The following TRIM55 variants were observed in gnomAD, a reference collection of about 807,000 sequenced individuals.
TRIM55 encodes tripartite motif-containing protein 55.
TRIM55 carries 50 observed loss-of-function variants against 60.9 expected under a neutral mutation model. The ratio of observed to expected loss-of-function variants is 0.82; its 90% CI spans 0.65 to 1.04. TRIM55 has a LOEUF of 1.04. Among genes scored for constraint, TRIM55 ranks in the 50% least tolerant of loss-of-function variants. The pLI, the probability that TRIM55 is intolerant of heterozygous loss-of-function variation, is 0.00. For missense variants in TRIM55, 681 were observed against 666.9 expected (o/e 1.02, Z -0.23); for synonymous variants, 237 against 238.1 (o/e 1.00, Z 0.04).
intron 4 of TRIM55, 36 bp downstream of exon 4, chr8:66,137,226 C>T: frequency 6.6e-7 from 1 of 1,507,438 alleles, no homozygotes. Context: ...CTCAACCAAG[C>T]CTGCAATGCC....
chr8:66,134,018 A>G (rs1157871420), intron 2 of TRIM55, among the ~76,000 whole-genome samples: 1 of 152,206 alleles, frequency 6.6e-6, no homozygotes, highest in Admixed American at 6.5e-5. Context: ...AGTTTCGAAC[A>G]GCAATACTTA....
rs1028173129 is a variant in TRIM55, at chr8:66,150,252, T to G, written c.860+13T>G. The stretch of plus-strand genomic sequence containing the variant: ...CCCTGCTAAAAAAGTAAGAACTTTT[T>G]ATTTTATGTAAAAATGCATATTTTC... On this transcript the variant is annotated intron_variant, in intron 6 of 9. Coordinates refer to ENST00000315962, the MANE Select transcript of TRIM55 (RefSeq NM_184085.2). 1 of 1,613,098 alleles carries G rather than the reference T, an allele frequency of 6.2e-7. No homozygotes were observed. Among genetic ancestry groups the G allele is most frequent in the African/African-American group, 1.3e-5 (1 of 75,012 alleles).
At chr8:66,114,527 C>T in the TRIM55 span, 1 of 456,272 alleles carries the variant, frequency 2.2e-6, no homozygotes, top group Non-Finnish European at 4.4e-6. Flanking sequence ...ACTCAGAATC[C>T]TTTATGATTT....
At chr8:66,151,545 G>T (rs1810416941) in intron 7 of TRIM55, among the ~76,000 whole-genome samples, 2 of 152,156 alleles carry the variant, frequency 1.3e-5, no homozygotes, top group East Asian at 3.9e-4. Context: ...AATGTCGCCT[G>T]AGGGAATATT....
In TRIM55 at chr8:66,153,392, C is replaced by G. The variant is rs112550627; in HGVS notation, c.1237-655C>G. Among the ~76,000 whole-genome samples the G allele has an allele frequency of 3.8e-3, 585 of 152,326 alleles. 3 individuals are homozygous for G. The highest frequency in any genetic ancestry group is 6.1e-3 in the Non-Finnish European group (414 of 68,034). ...GCAGACTCCATGATACTTCAGCAGACAGGATCCCAACCTTTTGAGTTTGCA... is the reference window on the plus strand; with the variant it reads ...GCAGACTCCATGATACTTCAGCAGAGAGGATCCCAACCTTTTGAGTTTGCA... On this transcript the variant is annotated intron_variant, in intron 8 of 9. Coordinates refer to ENST00000315962, the MANE Select transcript of TRIM55 (RefSeq NM_184085.2).
In TRIM55 at chr8:66,174,389, TCTC is replaced by T. The variant is rs1466665917; in HGVS notation, c.1525-78_1525-76del. 3.0e-5 allele frequency: 37 copies of T among 1,214,712 alleles called. No individual in the cohort carries two copies. In the Admixed American group the frequency reaches 8.9e-4, roughly 29 times the overall value. The allele number at this position is 1,214,712 out of a possible 1,614,324, so 75.2% of individuals were successfully genotyped here. Reference sequence around the variant, plus strand: ...AATAATTGTTATTATTATTATACTTTCTCCTCAATAGAAAAGTGACTGGACCAA... The same window carrying T: ...AATAATTGTTATTATTATTATACTTTCTCAATAGAAAAGTGACTGGACCAA... On this transcript the variant is annotated intron_variant, in intron 9 of 9. Transcript: ENST00000315962.
chr8:66,153,066 T>A (rs1430072827), intron 8 of TRIM55, among the ~76,000 whole-genome samples: 1 of 151,964 alleles, frequency 6.6e-6, no homozygotes, highest in Non-Finnish European at 1.5e-5. Flanking sequence ...GCATACAGAG[T>A]AAGAAATAAA....
At chr8:66,164,782 G>T (rs1392575141) in intron 9 of TRIM55, among the ~76,000 whole-genome samples, 2 of 152,114 alleles carry the variant, frequency 1.3e-5, no homozygotes, top group Admixed American at 6.6e-5. Context: ...AAACCAGCCT[G>T]CAGTCCTCTT....
chr8:66,149,638 C>T lies in TRIM55; in HGVS notation c.604-7C>T, dbSNP rs751403170. 10 of 1,608,472 alleles carry T rather than the reference C, an allele frequency of 6.2e-6. No individual in the cohort carries two copies. The highest frequency in any genetic ancestry group is 1.6e-4 in the Middle Eastern group (1 of 6,078). On this transcript the variant is annotated splice_polypyrimidine_tract_variant and splice_region_variant and intron_variant, in intron 4 of 9. Transcript: ENST00000315962. ...TACTTTCTAACATTAGCTAACCCAA[C>T]TAATAGGAATGTTGCAGAAAACAGA...
At chr8:66,149,507 AC>A (rs1810286303) in intron 4 of TRIM55, 137 bp from the exon 5 acceptor site, 1 of 662,392 alleles carries the variant, frequency 1.5e-6, no homozygotes, top group African/African-American at 1.8e-5. Context: ...GGGTATCCAT[AC>A]CTAAATAGAC....
the TRIM55 span, among the ~76,000 whole-genome samples, chr8:66,116,475 C>T: frequency 6.6e-6 from 1 of 151,536 alleles, no homozygotes; most frequent in South Asian, 2.1e-4. Flanking sequence ...CGTGCGGTGG[C>T]GTGTACCTGT....
At chr8:66,154,478 C>T in intron 9 of TRIM55, 144 bp downstream of exon 9, 1 of 902,414 alleles carries the variant, frequency 1.1e-6, no homozygotes, top group Non-Finnish European at 1.7e-6. Flanking sequence ...ATTCATCCCC[C>T]AATGTTGGCT....
At chr8:66,154,003 C>CCT in intron 8 of TRIM55, 44 bp from the exon 9 acceptor site, 1 of 1,276,542 alleles carries the variant, frequency 7.8e-7, no homozygotes, top group East Asian at 2.7e-5. Context: ...TCTTCTTCTT[C>CCT]TTTTTTTTTT....
At chr8:66,117,151 T>C in the TRIM55 span, among the ~76,000 whole-genome samples, 1 of 152,228 alleles carries the variant, frequency 6.6e-6, no homozygotes, top group Non-Finnish European at 1.5e-5. Flanking sequence ...TTATTCAACC[T>C]GATGAAGGAC....
chr8:66,136,163 A>G (rs1360699915), intron 3 of TRIM55, among the ~76,000 whole-genome samples: 1 of 152,090 alleles, frequency 6.6e-6, no homozygotes. Flanking sequence ...TCTTCTGCCC[A>G]CCTCCCCCAA....
chr8:66,148,853 G>A (rs534526156), intron 4 of TRIM55, among the ~76,000 whole-genome samples: 2 of 152,150 alleles, frequency 1.3e-5, no homozygotes, highest in South Asian at 4.2e-4. Context: ...GTTCAAGACC[G>A]GCCTGGCCAA....
At chr8:66,164,309 G>A (rs1811205510) in intron 9 of TRIM55, among the ~76,000 whole-genome samples, 1 of 152,228 alleles carries the variant, frequency 6.6e-6, no homozygotes, top group South Asian at 2.1e-4. Flanking sequence ...ATACCTTTAA[G>A]TGTCTAAGCT....
Position 66,129,207 on chromosome 8 carries a change from T to C in TRIM55, c.341+731T>C, listed in dbSNP as rs868671830. On this transcript the variant is annotated intron_variant, in intron 2 of 9. Transcript: ENST00000315962. The stretch of plus-strand genomic sequence containing the variant: ...ATTTTTAAAAAATAACAAAAAAGGC[T>C]TCTTATTCACCAAACCACATTGGCT... 1.1e-4 allele frequency among the ~76,000 whole-genome samples: 17 copies of C among 152,354 alleles called. No homozygotes were observed. The Middle Eastern group carries it at 0.014, about 122-fold the overall frequency.
At chr8:66,114,171 T>C in the TRIM55 span, among the ~76,000 whole-genome samples, 3 of 145,924 alleles carry the variant, frequency 2.1e-5, no homozygotes, top group South Asian at 2.2e-4. Flanking sequence ...GAACAGATAA[T>C]AAGCCGTGCC....
Sources: gnomAD v4.1 joint callset for allele counts (sites outside exome capture counted in the v4.1 genomes callset) on GRCh38, gnomAD v4.1.1 for gene constraint, MANE v1.5 for transcripts, NCBI Gene and HGNC (gene_info 2026-07-23, HGNC 2026-07-21) for gene names.